Variants in MYPN observed in about 807,000 individuals in gnomAD.
MYPN encodes the protein sarcomeric protein myopalladin, 145 kDa (MYOP).
Under a neutral mutation model 129.4 loss-of-function variants are expected in MYPN, and 63 were observed. The observed-to-expected ratio is 0.49, with a 90% CI of 0.40 to 0.60. The LOEUF is 0.60. Among genes scored for constraint, MYPN ranks in the 20% least tolerant of loss-of-function variants. The pLI, the probability that MYPN is intolerant of heterozygous loss-of-function variation, is 0.00. For synonymous variants in MYPN, 629 were observed against 600.9 expected (o/e 1.05, Z -0.68); for missense variants, 1,596 against 1,635.4 (o/e 0.98, Z 0.42).
At chr10:68,134,426 T>A (rs1437560032) in intron 2 of MYPN, among the ~76,000 whole-genome samples, 2 of 152,190 alleles carry the variant, frequency 1.3e-5, no homozygotes, top group African/African-American at 4.8e-5. Flanking sequence ...CTCAAAGTAA[T>A]TTAATGTTTA....
rs1405726597 is a variant in MYPN at position 68,121,635 on chromosome 10, T to G, written c.197T>G (p.Phe66Cys). 1.2e-6 allele frequency: 2 copies of G among 1,614,222 alleles called. No homozygotes were observed. Among genetic ancestry groups the G allele is most frequent in the Non-Finnish European group, 8.5e-7 (1 of 1,180,038 alleles). ...GATGACCTTCCAGATCTTTCAGCCT[T>G]TCTGAGCCAAGAAGAATTAGACGAA... ...GQDDLPDLSA[F>C]LSQEELDESV... Residue 66 changes from phenylalanine to cysteine, a missense_variant, in exon 2 of 20, where the codon TTT (phenylalanine) becomes TGT (cysteine). By Grantham distance (205) the Phe-to-Cys change is radical. Transcript: ENST00000358913.
At chr10:68,115,383 A>G (rs567537531) in intron 1 of MYPN, among the ~76,000 whole-genome samples, 8 of 152,270 alleles carry the variant, frequency 5.3e-5, no homozygotes, top group African/African-American at 1.9e-4. Context: ...GATTTTGCTA[A>G]TGACCTAGTT....
At chr10:68,194,859 T>C (rs1029318365) in intron 14 of MYPN, among the ~76,000 whole-genome samples, 3 of 152,236 alleles carry the variant, frequency 2.0e-5, no homozygotes, top group Non-Finnish European at 4.4e-5. Flanking sequence ...CGATCTGTCA[T>C]TTTTGTTCTT....
At chr10:68,203,718 C>G (rs867972560) in intron 18 of MYPN, among the ~76,000 whole-genome samples, 6 of 69,428 alleles carry the variant, frequency 8.6e-5, no homozygotes, top group African/African-American at 1.6e-4. Flanking sequence ...CACATACACA[C>G]ACAGAGAGAG....
At chr10:68,200,488 T>C (rs573728783) in intron 17 of MYPN, among the ~76,000 whole-genome samples, 1 of 152,294 alleles carries the variant, frequency 6.6e-6, no homozygotes, top group East Asian at 1.9e-4. Flanking sequence ...TGGGGCACGG[T>C]GGCTCACACC....
chr10:68,118,375 AC>A (rs1484883394), intron 1 of MYPN, among the ~76,000 whole-genome samples: 15 of 152,144 alleles, frequency 9.9e-5, no homozygotes, highest in African/African-American at 3.4e-4. Context: ...AGATGAAGAA[AC>A]CAAAGCTCAA....
At chr10:68,187,582 T>A (rs1380402146) in intron 12 of MYPN, among the ~76,000 whole-genome samples, 1 of 152,146 alleles carries the variant, frequency 6.6e-6, no homozygotes, top group African/African-American at 2.4e-5. Flanking sequence ...GGGACAGAAA[T>A]CAAGCATGTG....
Position 68,148,473 on chromosome 10 carries a change from A to G in MYPN, c.1245+6A>G. 1 of 1,610,352 alleles carries G rather than the reference A, an allele frequency of 6.2e-7. No homozygotes were observed. The highest frequency in any genetic ancestry group is 8.5e-7 in the Non-Finnish European group (1 of 1,176,590). The stretch of plus-strand genomic sequence containing the variant: ...GTGTGGCAACCATCCAGCAGGTACA[A>G]GAATCCAAGCGAAACACAAGTGCCA... On this transcript the variant is annotated splice_donor_region_variant and intron_variant, in intron 5 of 19. Coordinates refer to ENST00000358913, the MANE Select transcript of MYPN (RefSeq NM_032578.4).
intron 7 of MYPN, among the ~76,000 whole-genome samples, chr10:68,160,990 G>C (rs545763479): frequency 6.6e-6 from 1 of 152,288 alleles, no homozygotes; most frequent in Non-Finnish European, 1.5e-5. Context: ...CTCAGAGCAG[G>C]AGGTATAGTG....
chr10:68,093,636 A>G (rs2041941552), intron 1 of MYPN, among the ~76,000 whole-genome samples: 1 of 150,904 alleles, frequency 6.6e-6, no homozygotes, highest in Admixed American at 6.6e-5. Context: ...GGGTGCCTGT[A>G]GTCCCAGCTA....
chr10:68,197,509 A>G, intron 16 of MYPN, 31 bp downstream of exon 16: 1 of 1,610,690 alleles, frequency 6.2e-7, no homozygotes, highest in Non-Finnish European at 8.5e-7. Flanking sequence ...TTAGTTCCAG[A>G]TCTGTTCATA....
intron 8 of MYPN, among the ~76,000 whole-genome samples, chr10:68,162,810 A>T (rs1274111000): frequency 6.6e-6 from 1 of 152,216 alleles, no homozygotes; most frequent in African/African-American, 2.4e-5. Context: ...TACAAAAATT[A>T]GCCAGGATAG....
Position 68,203,720 on chromosome 10 carries a change from C to CAGAGAG in MYPN, c.3659+1748_3659+1753dup, listed in dbSNP as rs371058853. ...ACACACACACACACACATACACACACAGAGAGAGAGAGAGAGAGAGAGAGA... is the reference window on the plus strand; with the variant it reads ...ACACACACACACACACATACACACACAGAGAGAGAGAGAGAGAGAGAGAGAGAGAGA... On this transcript the variant is annotated intron_variant, in intron 18 of 19. Transcript: ENST00000358913. Among the ~76,000 whole-genome samples the CAGAGAG allele has an allele frequency of 4.5e-3, 516 of 115,724 alleles. 5 individuals are homozygous for CAGAGAG. In the Middle Eastern group the frequency reaches 0.05, roughly 11 times the overall value. The allele number at this position is 115,724 out of a possible 152,430, so 75.9% of individuals were successfully genotyped here.
intron 2 of MYPN, among the ~76,000 whole-genome samples, chr10:68,139,870 T>A (rs1197225295): frequency 6.6e-6 from 1 of 152,230 alleles, no homozygotes; most frequent in Admixed American, 6.5e-5. Context: ...TAGTGGTGAA[T>A]AAGACCAATA....
At chr10:68,138,310 C>G (rs552761876) in intron 2 of MYPN, among the ~76,000 whole-genome samples, 1 of 151,956 alleles carries the variant, frequency 6.6e-6, no homozygotes, top group Non-Finnish European at 1.5e-5. Context: ...CCCTGTTGGT[C>G]AGGCTGGTCT....
intron 17 of MYPN, 138 bp from the exon 18 acceptor site, chr10:68,201,691 C>T: frequency 1.1e-6 from 1 of 914,560 alleles, no homozygotes; most frequent in African/African-American, 1.7e-5. Context: ...TCACCTGAAC[C>T]TGGCAGGGGA....
intron 10 of MYPN, among the ~76,000 whole-genome samples, chr10:68,171,155 A>AAAAAAAAAG (rs1039564539): frequency 1.3e-5 from 2 of 151,514 alleles, no homozygotes; most frequent in Admixed American, 6.6e-5. Context: ...TCAAAAAAAA[A>AAAAAAAAAG]AAAGAAAGAA....
intron 2 of MYPN, among the ~76,000 whole-genome samples, chr10:68,133,397 G>A: frequency 6.6e-6 from 1 of 152,048 alleles, no homozygotes; most frequent in Admixed American, 6.6e-5. Context: ...AGTTTTGTGG[G>A]TCCTGAAGTG....
At chr10:68,106,646 A>G (rs2042016014), upstream of MYPN, 1 of 708,406 alleles carries the variant, frequency 1.4e-6, no homozygotes. Flanking sequence ...TTTGTTTTAG[A>G]GAACTGGAGC....
Sources: allele counts gnomAD v4.1 joint callset (sites outside exome capture counted in the v4.1 genomes callset), GRCh38; gene constraint gnomAD v4.1.1; transcripts MANE v1.5; gene names NCBI Gene and HGNC (gene_info 2026-07-23, HGNC 2026-07-21).